The following RBFOX1 variants were observed in gnomAD, a reference collection of about 807,000 sequenced individuals.
The protein encoded by RBFOX1 is RNA binding fox-1 homolog 1.
RBFOX1 carries 8 observed loss-of-function variants against 57.7 expected under a neutral mutation model. The ratio of observed to expected loss-of-function variants is 0.14; its 90% CI spans 0.08 to 0.25. The LOEUF is 0.25. RBFOX1 is among the 10% of genes least tolerant of loss of function. The pLI is 1.00. For missense variants in RBFOX1, 611 were observed against 548.5 expected, an observed-to-expected ratio of 1.11 and a Z score of -1.14; for synonymous variants, 326 against 222.4, an observed-to-expected ratio of 1.47 and a Z score of -4.15.
At chr16:5,486,758 G>C (rs746950945) in intron 2 of RBFOX1, among the ~76,000 whole-genome samples, 17 of 151,856 alleles carry the variant, frequency 1.1e-4, no homozygotes, top group Non-Finnish European at 2.2e-4. Context: ...TCCCATTTCT[G>C]AGCTTGGAGC....
chr16:5,793,179 C>T (rs1057332248), intron 3 of RBFOX1, among the ~76,000 whole-genome samples: 1 of 152,204 alleles, frequency 6.6e-6, no homozygotes, highest in African/African-American at 2.4e-5. Flanking sequence ...TAAACTTGCA[C>T]TTCAGCCTCT....
At chr16:6,823,260 T>C (rs765822541) in intron 3 of RBFOX1, among the ~76,000 whole-genome samples, 2 of 151,936 alleles carry the variant, frequency 1.3e-5, no homozygotes, top group Non-Finnish European at 2.9e-5. Context: ...CTTTTTTTTT[T>C]TTCTTTTTTT....
intron 3 of RBFOX1, among the ~76,000 whole-genome samples, chr16:6,671,932 A>T (rs749379302): frequency 5.9e-5 from 9 of 152,240 alleles, no homozygotes; most frequent in Non-Finnish European, 1.2e-4. Flanking sequence ...AACTGTTGCG[A>T]CTACTAAGTA....
chr16:5,944,808 A>AAAAAAAAAC (rs2059362189), intron 4 of RBFOX1, among the ~76,000 whole-genome samples: 1 of 142,580 alleles, frequency 7.0e-6, no homozygotes, highest in Non-Finnish European at 1.5e-5. Flanking sequence ...AAAAAAAAAA[A>AAAAAAAAAC]ATTAGCTGGG....
intron 3 of RBFOX1, among the ~76,000 whole-genome samples, chr16:6,747,078 A>T (rs117489137): frequency 1.3e-5 from 2 of 152,122 alleles, no homozygotes; most frequent in South Asian, 4.2e-4. Context: ...GTACCATAGC[A>T]GGTCCCTATA....
intron 2 of RBFOX1, among the ~76,000 whole-genome samples, chr16:6,462,658 C>T (rs982543063): frequency 6.6e-6 from 1 of 152,088 alleles, no homozygotes; most frequent in African/African-American, 2.4e-5. Flanking sequence ...TAAAAGCTCA[C>T]CAATTTTTTA....
chr16:5,409,252 G>T (rs1020497802), intron 1 of RBFOX1, among the ~76,000 whole-genome samples: 1 of 152,208 alleles, frequency 6.6e-6, no homozygotes, highest in African/African-American at 2.4e-5. Context: ...GTGTGTGGCT[G>T]CGATGGACAG....
intron 1 of RBFOX1, among the ~76,000 whole-genome samples, chr16:6,259,572 G>T (rs1223036735): frequency 6.6e-6 from 1 of 152,024 alleles, no homozygotes; most frequent in Non-Finnish European, 1.5e-5. Flanking sequence ...ATAGTTTCTG[G>T]GACTTGGGGA....
chr16:7,010,800 A>G (rs981881669), intron 3 of RBFOX1, among the ~76,000 whole-genome samples: 1 of 152,040 alleles, frequency 6.6e-6, no homozygotes, highest in Non-Finnish European at 1.5e-5. Context: ...CCTGGCCTCA[A>G]GTGATCTACC....
chr16:7,516,281 G>A (rs1285958811), intron 4 of RBFOX1, among the ~76,000 whole-genome samples: 1 of 152,060 alleles, frequency 6.6e-6, no homozygotes, highest in Non-Finnish European at 1.5e-5. Context: ...AGGGCTTAAC[G>A]CACTAACGGA....
At chr16:5,951,657 G>A (rs1011071681) in intron 4 of RBFOX1, among the ~76,000 whole-genome samples, 1 of 152,008 alleles carries the variant, frequency 6.6e-6, no homozygotes, top group Admixed American at 6.6e-5. Flanking sequence ...AACAGTCCCT[G>A]CACTGCTGAG....
intron 3 of RBFOX1, among the ~76,000 whole-genome samples, chr16:5,636,460 G>A (rs747194121): frequency 1.3e-5 from 2 of 152,218 alleles, no homozygotes; most frequent in Non-Finnish European, 2.9e-5. Context: ...AGCACTGGAT[G>A]AGAATCTGAA....
chr16:7,306,716 G>C (rs781252507), intron 4 of RBFOX1, among the ~76,000 whole-genome samples: 8 of 152,056 alleles, frequency 5.3e-5, no homozygotes, highest in African/African-American at 7.2e-5. Flanking sequence ...TCACCGCTAG[G>C]GTGTAAGTGA....
At chr16:5,589,808 A>AC (rs2046947757) in intron 2 of RBFOX1, among the ~76,000 whole-genome samples, 1 of 152,130 alleles carries the variant, frequency 6.6e-6, no homozygotes, top group East Asian at 1.9e-4. Flanking sequence ...TCCTGGCTTG[A>AC]CCCCAACTCT....
At chr16:7,605,733 T>C (rs2095258377) in intron 9 of RBFOX1, among the ~76,000 whole-genome samples, 1 of 152,200 alleles carries the variant, frequency 6.6e-6, no homozygotes, top group South Asian at 2.1e-4. Context: ...CAAACTTTAA[T>C]CATTGCCTTC....
At chr16:6,295,423 C>T (rs759599439) in intron 1 of RBFOX1, among the ~76,000 whole-genome samples, 4 of 152,082 alleles carry the variant, frequency 2.6e-5, no homozygotes, top group Non-Finnish European at 4.4e-5. Flanking sequence ...CGTGCCTGGC[C>T]CCTTAAGTGT....
At chr16:7,432,305 C>A (rs1300620546) in intron 4 of RBFOX1, among the ~76,000 whole-genome samples, 1 of 152,282 alleles carries the variant, frequency 6.6e-6, no homozygotes, top group Admixed American at 6.5e-5. Flanking sequence ...TGGTAAAATT[C>A]TCTGCACAAA....
At chr16:7,010,111 A>G (rs1361552435) in intron 3 of RBFOX1, among the ~76,000 whole-genome samples, 1 of 152,160 alleles carries the variant, frequency 6.6e-6, no homozygotes, top group African/African-American at 2.4e-5. Flanking sequence ...AAGGGCATGA[A>G]CTCTATTCTT....
intron 1 of RBFOX1, among the ~76,000 whole-genome samples, chr16:6,159,522 G>C (rs1428230658): frequency 6.6e-6 from 1 of 152,168 alleles, no homozygotes. Flanking sequence ...AAGCCATCCA[G>C]TTCCAGTGCA....
Sources: allele counts gnomAD v4.1 joint callset (sites outside exome capture counted in the v4.1 genomes callset), GRCh38; gene constraint gnomAD v4.1.1; transcripts MANE v1.5; gene names NCBI Gene and HGNC (gene_info 2026-07-23, HGNC 2026-07-21).